Variants in EHD4 observed in about 807,000 individuals in gnomAD.
EHD4 encodes EH domain containing 4.
EHD4 carries 37 observed loss-of-function variants against 51.0 expected under a neutral mutation model. The observed-to-expected ratio is 0.73, with a 90% CI of 0.56 to 0.95. The LOEUF (loss-of-function observed/expected upper bound fraction) is 0.95. EHD4 is among the 40% of genes least tolerant of loss of function. The pLI is 0.00. For synonymous variants in EHD4, 297 were observed against 317.3 expected, an observed-to-expected ratio of 0.94 and a Z score of 0.68; for missense variants, 632 against 733.1, an observed-to-expected ratio of 0.86 and a Z score of 1.59.
chr15:41,971,275 A>C (rs1236079683), intron 1 of EHD4, among the ~76,000 whole-genome samples: 1 of 152,242 alleles, frequency 6.6e-6, no homozygotes, highest in Non-Finnish European at 1.5e-5. Flanking sequence ...AATGATGAAG[A>C]GATTGTTACA....
intron 4 of EHD4, 35 bp downstream of exon 4, chr15:41,919,175 C>T: frequency 1.2e-6 from 2 of 1,610,934 alleles, no homozygotes; most frequent in Non-Finnish European, 1.7e-6. Flanking sequence ...AGAGTCCCAG[C>T]CCCTGGCCTC....
At chr15:41,930,192 A>G (rs1648811) in intron 3 of EHD4, among the ~76,000 whole-genome samples, 81,659 of 152,038 alleles carry the variant, frequency 0.54, 22,960 homozygotes, top group African/African-American at 0.68. Flanking sequence ...AAGTCACCCC[A>G]TCTAACCTTC....
At chr15:41,972,216 G>A (rs752127600) in intron 1 of EHD4, 43 bp downstream of exon 1, 2 of 1,471,836 alleles carry the variant, frequency 1.4e-6, no homozygotes, top group Non-Finnish European at 1.8e-6. Flanking sequence ...CACGTGGGGA[G>A]GGCGGAGCGG....
At chr15:41,933,991 G>A (rs533040627) in intron 3 of EHD4, among the ~76,000 whole-genome samples, 1 of 152,168 alleles carries the variant, frequency 6.6e-6, no homozygotes, top group Non-Finnish European at 1.5e-5. Flanking sequence ...CCCTGCCCTG[G>A]AAGGAGGCTG....
intron 3 of EHD4, chr15:41,928,417 C>G (rs2067676976): frequency 6.6e-6 from 1 of 152,102 alleles, no homozygotes; most frequent in Non-Finnish European, 1.5e-5. Context: ...TCAGGGGAGC[C>G]CGGATTCAAA....
intron 3 of EHD4, among the ~76,000 whole-genome samples, chr15:41,920,025 A>C (rs1444776980): frequency 6.6e-6 from 1 of 152,206 alleles, no homozygotes; most frequent in Non-Finnish European, 1.5e-5. Context: ...CTTTTCTGAA[A>C]GCCCCAAATA....
intron 2 of EHD4, among the ~76,000 whole-genome samples, chr15:41,948,939 G>A (rs1390794290): frequency 6.6e-6 from 1 of 150,734 alleles, no homozygotes; most frequent in Non-Finnish European, 1.5e-5. Flanking sequence ...GAGGTGGGAG[G>A]ATTGCTGGAG....
At position 41,909,754 on chromosome 15, in the gene EHD4, A is replaced by G; in HGVS notation, c.1034T>C (p.Leu345Pro). 6.2e-7 allele frequency: 1 copy of G among 1,614,194 alleles called. No individual in the cohort carries two copies. Among genetic ancestry groups the G allele is most frequent in the Non-Finnish European group, 8.5e-7 (1 of 1,180,036 alleles). ...ISRLPEIYIQ[L>P]QREYQISAGD... ...TGCAGAAATCTGGTATTCTCGCTGT[A>G]GCTGAATGTAGATTTCCGGTAGCCT... Residue 345 changes from leucine (L) to proline (P), a missense_variant, in exon 5 of 6, where the codon CTA (leucine) becomes CCA (proline). Transcript: ENST00000220325.
intron 5 of EHD4, 87 bp from the exon 6 acceptor site, chr15:41,901,268 C>T: frequency 7.0e-7 from 1 of 1,424,382 alleles, no homozygotes; most frequent in Non-Finnish European, 9.3e-7. Context: ...ACTAATTCTG[C>T]CCCAGGCAGA....
At chr15:41,922,483 C>T (rs998648623) in intron 3 of EHD4, among the ~76,000 whole-genome samples, 25 of 152,324 alleles carry the variant, frequency 1.6e-4, no homozygotes, top group South Asian at 8.3e-4. Context: ...CTGTCGGTTC[C>T]GAAAGAAACC....
chr15:41,917,207 A>G (rs146667349), intron 4 of EHD4, among the ~76,000 whole-genome samples: 10,276 of 151,538 alleles, frequency 0.068, 404 homozygotes, highest in South Asian at 0.097. Flanking sequence ...TGCAACCTCC[A>G]CCTCCTGGGT....
In EHD4 at chr15:41,946,974, A is replaced by T. The variant is rs1458862941; in HGVS notation, c.414-3810T>A. Among the ~76,000 whole-genome samples, 3 of 152,192 alleles carry T rather than the reference A, an allele frequency of 2.0e-5. No homozygotes were observed. In the East Asian group the frequency reaches 5.8e-4, roughly 29 times the overall value. On this transcript the variant is annotated intron_variant, in intron 2 of 5. Transcript: ENST00000220325. Reference sequence around the variant, plus strand: ...CTTACTGGGTGTCAGGCACAGTTTGAAGTACTTTCCATGCACATTAACTCC... The same window carrying T: ...CTTACTGGGTGTCAGGCACAGTTTGTAGTACTTTCCATGCACATTAACTCC...
At position 41,909,695 on chromosome 15, in the gene EHD4, G is replaced by A; in HGVS notation, c.1089+4C>T. 4 of 1,614,148 alleles carry A rather than the reference G, an allele frequency of 2.5e-6. No homozygotes were observed. The highest frequency in any genetic ancestry group is 3.4e-6 in the Non-Finnish European group (4 of 1,179,996). The stretch of plus-strand genomic sequence containing the variant: ...CCCGTGACATTGTAGTGGGCTCCCA[G>A]TACCTGCATAGCCTTGACCTCAGGG... On this transcript the variant is annotated splice_donor_region_variant and intron_variant, in intron 5 of 5. Coordinates refer to ENST00000220325, the MANE Select transcript of EHD4 (RefSeq NM_139265.4).
intron 2 of EHD4, among the ~76,000 whole-genome samples, chr15:41,948,911 C>T (rs938931166): frequency 2.6e-5 from 4 of 151,472 alleles, no homozygotes; most frequent in Non-Finnish European, 5.9e-5. Flanking sequence ...CGCCTGTCGT[C>T]CCAGCAATCG....
At chr15:41,912,615 A>G (rs1045524134) in intron 4 of EHD4, among the ~76,000 whole-genome samples, 1 of 152,140 alleles carries the variant, frequency 6.6e-6, no homozygotes, top group Non-Finnish European at 1.5e-5. Flanking sequence ...GAATAGCTTG[A>G]ACCCGGGAGG....
At chr15:41,919,139 C>T in intron 4 of EHD4, 71 bp downstream of exon 4, 2 of 1,583,014 alleles carry the variant, frequency 1.3e-6, no homozygotes, top group Non-Finnish European at 1.7e-6. Context: ...TCCTCCCACC[C>T]ATCTTGCCTC....
At chr15:41,939,163 G>A (rs1426150119) in intron 3 of EHD4, among the ~76,000 whole-genome samples, 2 of 152,166 alleles carry the variant, frequency 1.3e-5, no homozygotes, top group Admixed American at 1.3e-4. Flanking sequence ...CACACTTCAA[G>A]AAAGCAATTT....
At chr15:41,950,986 C>T (rs1436390451) in intron 2 of EHD4, among the ~76,000 whole-genome samples, 1 of 152,114 alleles carries the variant, frequency 6.6e-6, no homozygotes, top group African/African-American at 2.4e-5. Flanking sequence ...TGGAGGGCTA[C>T]ATTAGGAACA....
At chr15:41,944,888 A>G (rs962151053) in intron 2 of EHD4, among the ~76,000 whole-genome samples, 7 of 152,208 alleles carry the variant, frequency 4.6e-5, no homozygotes, top group African/African-American at 9.7e-5. Context: ...ACTTGTGCAC[A>G]GTCCCCTCCT....
Sources: allele counts gnomAD v4.1 joint callset (sites outside exome capture counted in the v4.1 genomes callset), GRCh38; gene constraint gnomAD v4.1.1; transcripts MANE v1.5; gene names NCBI Gene and HGNC (gene_info 2026-07-23, HGNC 2026-07-21).